The following ROBO2 variants were observed in gnomAD, a reference collection of about 807,000 sequenced individuals.
ROBO2 encodes roundabout guidance receptor 2, also known as roundabout homolog 2.
A neutral mutation model predicts 160.8 loss-of-function variants in ROBO2; 53 were observed. The ratio of observed to expected loss-of-function variants is 0.33; its 90% CI spans 0.26 to 0.41. The LOEUF is 0.41. Ranked by LOEUF, ROBO2 falls within the 10% of genes least tolerant of loss-of-function variation. The pLI, the probability that ROBO2 is intolerant of heterozygous loss-of-function variation, is 1.00. For missense variants in ROBO2, 1,577 were observed against 1,722.4 expected, an observed-to-expected ratio of 0.92 and a Z score of 1.49; for synonymous variants, 664 against 611.7, an observed-to-expected ratio of 1.09 and a Z score of -1.26.
chr3:77,137,965 T>C (rs1381376565), intron 2 of ROBO2, among the ~76,000 whole-genome samples: 1 of 152,152 alleles, frequency 6.6e-6, no homozygotes, highest in Non-Finnish European at 1.5e-5. Context: ...TAACAGAATT[T>C]TTTTTTTCAA....
chr3:75,908,388 C>T (rs1219475371), intron 1 of ROBO2, among the ~76,000 whole-genome samples: 2 of 152,058 alleles, frequency 1.3e-5, no homozygotes, highest in South Asian at 4.2e-4. Context: ...GGTTCTTTCA[C>T]ATATATTACT....
At chr3:76,902,302 A>G (rs1481221863) in intron 2 of ROBO2, among the ~76,000 whole-genome samples, 6 of 152,046 alleles carry the variant, frequency 3.9e-5, no homozygotes, top group African/African-American at 1.4e-4. Flanking sequence ...CTATAATACT[A>G]CATTCTCTGT....
chr3:76,668,416 G>A (rs1450448172), intron 2 of ROBO2, among the ~76,000 whole-genome samples: 1 of 152,054 alleles, frequency 6.6e-6, no homozygotes, highest in Non-Finnish European at 1.5e-5. Flanking sequence ...ACCATTAGAG[G>A]CCAATCAGGT....
intron 2 of ROBO2, among the ~76,000 whole-genome samples, chr3:76,686,374 A>G (rs1302891764): frequency 3.3e-5 from 5 of 152,128 alleles, no homozygotes; most frequent in Non-Finnish European, 1.5e-5. Flanking sequence ...CAATTTATTC[A>G]GATAAATTAC....
chr3:76,551,535 C>A (rs1261079692), intron 2 of ROBO2, among the ~76,000 whole-genome samples: 1 of 152,130 alleles, frequency 6.6e-6, no homozygotes. Context: ...ACACGCCCCC[C>A]ACCCTACTCA....
intron 2 of ROBO2, among the ~76,000 whole-genome samples, chr3:76,315,362 T>C (rs756220749): frequency 6.6e-6 from 1 of 152,232 alleles, no homozygotes; most frequent in Non-Finnish European, 1.5e-5. Context: ...TTATCTAATA[T>C]ATATCTTTGC....
intron 2 of ROBO2, among the ~76,000 whole-genome samples, chr3:76,616,090 A>G (rs572193743): frequency 2.0e-5 from 3 of 152,298 alleles, no homozygotes; most frequent in Non-Finnish European, 2.9e-5. Flanking sequence ...TGCCACACAA[A>G]CACTTAATGT....
intron 2 of ROBO2, among the ~76,000 whole-genome samples, chr3:77,214,615 T>C (rs926785480): frequency 6.6e-6 from 1 of 152,228 alleles, no homozygotes; most frequent in East Asian, 1.9e-4. Flanking sequence ...AATTTGAACC[T>C]GTCATTATGA....
chr3:77,469,641 G>A (rs546001904), intron 2 of ROBO2, among the ~76,000 whole-genome samples: 32 of 152,128 alleles, frequency 2.1e-4, no homozygotes, highest in East Asian at 3.9e-4. Context: ...TCCTTGAGTC[G>A]TTGATTTCTG....
intron 2 of ROBO2, among the ~76,000 whole-genome samples, chr3:76,064,641 A>G (rs1378746575): frequency 2.6e-5 from 4 of 152,168 alleles, no homozygotes; most frequent in African/African-American, 9.7e-5. Flanking sequence ...ATATAGGTAC[A>G]TCTGAATCAG....
chr3:76,173,801 G>T (rs931059457), intron 2 of ROBO2, among the ~76,000 whole-genome samples: 1 of 152,070 alleles, frequency 6.6e-6, no homozygotes, highest in African/African-American at 2.4e-5. Context: ...CTTTGCTATC[G>T]TAAATAGTGT....
chr3:76,304,133 C>T (rs2071208888), intron 2 of ROBO2, among the ~76,000 whole-genome samples: 2 of 152,268 alleles, frequency 1.3e-5, no homozygotes, highest in South Asian at 4.1e-4. Flanking sequence ...TGTAACTGTA[C>T]ATATATTTTA....
At chr3:76,982,472 T>A (rs894326801) in intron 2 of ROBO2, among the ~76,000 whole-genome samples, 1 of 152,236 alleles carries the variant, frequency 6.6e-6, no homozygotes, top group African/African-American at 2.4e-5. Context: ...TTGATTAGCA[T>A]ACCTTTGTAG....
intron 1 of ROBO2, among the ~76,000 whole-genome samples, chr3:77,058,549 TGA>T (rs1451572889): frequency 6.6e-6 from 1 of 152,180 alleles, no homozygotes; most frequent in African/African-American, 2.4e-5. Context: ...TATTTGTTTT[TGA>T]GATAGGGTCT....
At chr3:76,803,607 TCTA>T (rs1384691473) in intron 2 of ROBO2, among the ~76,000 whole-genome samples, 2 of 152,116 alleles carry the variant, frequency 1.3e-5, no homozygotes, top group Non-Finnish European at 2.9e-5. Context: ...CTTATCTTTC[TCTA>T]CTTTTCTCAA....
chr3:77,314,103 G>A (rs930378912), intron 2 of ROBO2, among the ~76,000 whole-genome samples: 8 of 152,070 alleles, frequency 5.3e-5, no homozygotes, highest in Non-Finnish European at 8.8e-5. Flanking sequence ...CCCTCAGCCC[G>A]TAGTAATGCA....
chr3:77,394,433 T>C (rs2075068522), intron 2 of ROBO2, among the ~76,000 whole-genome samples: 1 of 152,040 alleles, frequency 6.6e-6, no homozygotes, highest in Admixed American at 6.6e-5. Context: ...ACTGGTGAAG[T>C]ATTGAACTAC....
chr3:77,542,994 C>T (rs1049025965), intron 6 of ROBO2, among the ~76,000 whole-genome samples: 1 of 152,150 alleles, frequency 6.6e-6, no homozygotes, highest in African/African-American at 2.4e-5. Flanking sequence ...TTCTTTTATT[C>T]TCAGAATCTT....
intron 2 of ROBO2, among the ~76,000 whole-genome samples, chr3:77,142,842 T>G (rs2150443286): frequency 6.6e-6 from 1 of 152,306 alleles, no homozygotes; most frequent in African/African-American, 2.4e-5. Context: ...CAGAGTTCTG[T>G]TCCAGTCTCA....
Sources: allele counts gnomAD v4.1 joint callset (sites outside exome capture counted in the v4.1 genomes callset), GRCh38; gene constraint gnomAD v4.1.1; transcripts MANE v1.5; gene names NCBI Gene and HGNC (gene_info 2026-07-23, HGNC 2026-07-21).